Variants in CAMK2G observed in about 807,000 individuals in gnomAD.
CAMK2G encodes calcium/calmodulin-dependent protein kinase type II subunit gamma.
CAMK2G carries 23 observed loss-of-function variants against 88.7 expected under a neutral mutation model. The observed-to-expected ratio is 0.26, with a 90% CI of 0.19 to 0.37. The LOEUF (loss-of-function observed/expected upper bound fraction) is 0.37. Among genes scored for constraint, CAMK2G ranks in the 10% least tolerant of loss-of-function variants. CAMK2G has a pLI of 1.00. For missense variants in CAMK2G, 476 were observed against 780.8 expected, an observed-to-expected ratio of 0.61 and a Z score of 4.65; for synonymous variants, 263 against 294.8, an observed-to-expected ratio of 0.89 and a Z score of 1.11.
chr10:73,851,043 C>T (rs2094576783), intron 5 of CAMK2G, among the ~76,000 whole-genome samples: 1 of 152,228 alleles, frequency 6.6e-6, no homozygotes, highest in Admixed American at 6.5e-5. Flanking sequence ...ATCACTGCCT[C>T]CTCCGTCCCA....
intron 20 of CAMK2G, 77 bp from the exon 21 acceptor site, chr10:73,817,194 A>G (rs1481881823): frequency 6.5e-6 from 10 of 1,532,246 alleles, no homozygotes; most frequent in Non-Finnish European, 7.9e-6. Context: ...AGCGGTGTCT[A>G]TCCAGTAGCA....
chr10:73,838,932 A>C (rs1389000547), intron 13 of CAMK2G, among the ~76,000 whole-genome samples: 1 of 152,184 alleles, frequency 6.6e-6, no homozygotes. Flanking sequence ...CAGGGCTGAG[A>C]GCCTTCGACA....
chr10:73,823,956 G>T, intron 17 of CAMK2G, 84 bp downstream of exon 17: 1 of 1,043,396 alleles, frequency 9.6e-7, no homozygotes, highest in Non-Finnish European at 1.5e-6. Context: ...TTGGCCTCAG[G>T]GTGCAGCCTG....
At chr10:73,821,532 C>G in intron 18 of CAMK2G, 150 bp downstream of exon 18, 1 of 629,874 alleles carries the variant, frequency 1.6e-6, no homozygotes, top group Non-Finnish European at 2.8e-6. Flanking sequence ...TATCTTGGCT[C>G]GTGGAAAGTA....
intron 14 of CAMK2G, among the ~76,000 whole-genome samples, chr10:73,836,677 A>G (rs1464339920): frequency 6.6e-6 from 1 of 152,200 alleles, no homozygotes; most frequent in Admixed American, 6.5e-5. Flanking sequence ...GTGAAAATCT[A>G]GTCTAGAGTG....
chr10:73,828,022 G>A (rs2091520357), intron 15 of CAMK2G, 67 bp downstream of exon 15: 2 of 1,303,732 alleles, frequency 1.5e-6, no homozygotes, highest in Admixed American at 3.4e-5. Flanking sequence ...GGCAGAACAG[G>A]TTTGCGTGGC....
chr10:73,847,028 C>T (rs1565378112), intron 10 of CAMK2G, 197 bp downstream of exon 10: 1 of 566,812 alleles, frequency 1.8e-6, no homozygotes, highest in Non-Finnish European at 3.1e-6. Context: ...GGAGCAGTGG[C>T]CCACCAGCCC....
At chr10:73,841,586 T>C (rs1192635921) in intron 12 of CAMK2G, among the ~76,000 whole-genome samples, 1 of 152,222 alleles carries the variant, frequency 6.6e-6, no homozygotes, top group East Asian at 1.9e-4. Flanking sequence ...CAATTCTTTA[T>C]GCAAATTTAA....
At chr10:73,847,392 C>T in intron 9 of CAMK2G, 45 bp from the exon 10 acceptor site, 1 of 1,604,974 alleles carries the variant, frequency 6.2e-7, no homozygotes, top group Non-Finnish European at 8.5e-7. Flanking sequence ...TGGTGAGCTT[C>T]ATACCCTGCA....
intron 2 of CAMK2G, among the ~76,000 whole-genome samples, chr10:73,864,053 T>G (rs147276925): frequency 5.3e-5 from 8 of 152,266 alleles, no homozygotes; most frequent in African/African-American, 1.9e-4. Flanking sequence ...CTTCAAGAAA[T>G]ATTTATCGTG....
intron 14 of CAMK2G, among the ~76,000 whole-genome samples, chr10:73,833,372 C>T (rs2092757823): frequency 6.6e-6 from 1 of 152,088 alleles, no homozygotes; most frequent in East Asian, 1.9e-4. Context: ...GTAGAATTAA[C>T]AGGGTAAAAA....
intron 18 of CAMK2G, among the ~76,000 whole-genome samples, chr10:73,820,492 A>ATATATATT (rs1554995765): frequency 9.0e-4 from 46 of 51,058 alleles, no homozygotes; most frequent in African/African-American, 2.7e-3. Context: ...ATATATATAT[A>ATATATATT]TTTTTTTTTT....
intron 12 of CAMK2G, among the ~76,000 whole-genome samples, chr10:73,840,194 A>T (rs1590478332): frequency 1.5e-5 from 1 of 68,906 alleles, no homozygotes; most frequent in South Asian, 6.0e-4. Context: ...GAGGTAGCCG[A>T]GAGAGGCAGC....
intron 12 of CAMK2G, among the ~76,000 whole-genome samples, chr10:73,841,005 A>C (rs1403562209): frequency 3.3e-5 from 5 of 152,176 alleles, no homozygotes; most frequent in African/African-American, 1.2e-4. Flanking sequence ...CCATGACACA[A>C]GATCAAGCCC....
intron 17 of CAMK2G, among the ~76,000 whole-genome samples, chr10:73,823,171 C>T (rs1271742393): frequency 6.6e-6 from 1 of 151,720 alleles, no homozygotes; most frequent in Non-Finnish European, 1.5e-5. Context: ...CCTCTCTCTA[C>T]TTTCTGCCAT....
chr10:73,868,084 A>G (rs1198271978), intron 2 of CAMK2G, among the ~76,000 whole-genome samples: 3 of 152,176 alleles, frequency 2.0e-5, no homozygotes, highest in Non-Finnish European at 4.4e-5. Context: ...CCATGGGATC[A>G]GGCCCTTGTT....
At chr10:73,818,956 T>C (rs2086757650) in intron 19 of CAMK2G, 1 of 385,946 alleles carries the variant, frequency 2.6e-6, no homozygotes. Context: ...GACTTCCTAC[T>C]GCCTTGTCTT....
At chr10:73,827,334 C>T (rs2091273186) in intron 15 of CAMK2G, among the ~76,000 whole-genome samples, 1 of 152,222 alleles carries the variant, frequency 6.6e-6, no homozygotes, top group Admixed American at 6.5e-5. Flanking sequence ...CTACAGGCGC[C>T]CACCACCACA....
chr10:73,824,060 T>C lies in CAMK2G; in HGVS notation c.1180A>G (p.Asn394Asp), dbSNP rs2090084601. The change falls in exon 17 of 23, where the codon AAC becomes GAC. Residue 394 changes from asparagine (N) to aspartate (D), a missense_variant. Coordinates refer to ENST00000423381, the MANE Select transcript of CAMK2G (RefSeq NM_001367534.1). ...AMEPQTTVVHNATDGIKGSTE... is the reference protein window; with the variant it reads ...AMEPQTTVVHDATDGIKGSTE... ...CTCACCTTGATCCCATCTGTAGCGT[T>C]GTGTACCACAGTGGTTTGTGGCTCC... The C allele has an allele frequency of 6.2e-7, 1 of 1,613,630 alleles. No individual in the cohort carries two copies. Among genetic ancestry groups the C allele is most frequent in the Non-Finnish European group, 8.5e-7 (1 of 1,179,594 alleles).
Sources: allele counts gnomAD v4.1 joint callset (sites outside exome capture counted in the v4.1 genomes callset), GRCh38; gene constraint gnomAD v4.1.1; transcripts MANE v1.5; gene names NCBI Gene and HGNC (gene_info 2026-07-23, HGNC 2026-07-21).